Variants in MAST2 observed in about 807,000 individuals in gnomAD.
MAST2 encodes the protein microtubule-associated serine/threonine-protein kinase 2.
MAST2 carries 70 observed loss-of-function variants against 147.4 expected under a neutral mutation model. The ratio of observed to expected loss-of-function variants is 0.47; its 90% CI spans 0.39 to 0.58. The LOEUF is 0.58. Ranked by LOEUF, MAST2 falls within the 20% of genes least tolerant of loss-of-function variation. The pLI, the probability that MAST2 is intolerant of heterozygous loss-of-function variation, is 0.00. For synonymous variants in MAST2, 869 were observed against 896.8 expected (o/e 0.97, Z 0.55); for missense variants, 2,080 against 2,302.3 (o/e 0.90, Z 1.98).
At chr1:45,872,840 GAA>G (rs2148189951) in intron 3 of MAST2, among the ~76,000 whole-genome samples, 1 of 152,322 alleles carries the variant, frequency 6.6e-6, no homozygotes, top group South Asian at 2.1e-4. Context: ...TGTGGACAAT[GAA>G]AGAGAGTGAC....
chr1:45,990,248 T>C (rs1260997612), intron 5 of MAST2, among the ~76,000 whole-genome samples: 1 of 152,236 alleles, frequency 6.6e-6, no homozygotes, highest in Non-Finnish European at 1.5e-5. Flanking sequence ...AATAGGTATG[T>C]ATGAGTATCC....
chr1:45,987,777 ATTTTTTTT>A, intron 5 of MAST2, among the ~76,000 whole-genome samples: 33 of 21,806 alleles, frequency 1.5e-3, no homozygotes, highest in Non-Finnish European at 2.0e-3. Flanking sequence ...TTTTTTTTTG[ATTTTTTTT>A]TTTTTTTTTT....
At chr1:45,821,557 G>C (rs1570228589) in intron 1 of MAST2, among the ~76,000 whole-genome samples, 1 of 103,660 alleles carries the variant, frequency 9.6e-6, no homozygotes, top group Non-Finnish European at 1.8e-5. Context: ...GTCTCGTTCT[G>C]TTACCCAGGC....
chr1:45,832,305 CTT>C (rs758899496), intron 3 of MAST2, among the ~76,000 whole-genome samples: 17 of 143,600 alleles, frequency 1.2e-4, no homozygotes, highest in Non-Finnish European at 1.4e-4. Flanking sequence ...TTCTTTCTTT[CTT>C]TTTTTTTTTT....
chr1:45,937,848 G>A (rs988042974), intron 4 of MAST2, among the ~76,000 whole-genome samples: 1 of 145,168 alleles, frequency 6.9e-6, no homozygotes, highest in Non-Finnish European at 1.5e-5. Flanking sequence ...ATTGCCTATT[G>A]TAATCTCTTC....
At chr1:45,897,161 T>C (rs1204550334) in intron 4 of MAST2, among the ~76,000 whole-genome samples, 1 of 152,230 alleles carries the variant, frequency 6.6e-6, no homozygotes, top group Non-Finnish European at 1.5e-5. Context: ...TAGAATCTTC[T>C]TGTGCTGTTC....
chr1:45,815,712 C>G (rs1285960071), intron 1 of MAST2, among the ~76,000 whole-genome samples: 2 of 152,162 alleles, frequency 1.3e-5, no homozygotes, highest in African/African-American at 4.8e-5. Context: ...GTAACTGATT[C>G]ACAAGGACCC....
At chr1:46,029,778 T>C in intron 19 of MAST2, 53 bp from the exon 20 acceptor site, 1 of 1,603,796 alleles carries the variant, frequency 6.2e-7, no homozygotes, top group Non-Finnish European at 8.5e-7. Context: ...TTTGCTGACC[T>C]AGACTCCATG....
intron 1 of MAST2, among the ~76,000 whole-genome samples, chr1:45,809,454 G>A (rs1029278756): frequency 2.6e-5 from 4 of 152,182 alleles, no homozygotes; most frequent in Admixed American, 6.5e-5. Context: ...ACCAGACTGA[G>A]CAACATGGTG....
intron 18 of MAST2, 113 bp from the exon 19 acceptor site, chr1:46,029,353 C>A: frequency 1.3e-6 from 1 of 788,892 alleles, no homozygotes; most frequent in Non-Finnish European, 2.0e-6. Context: ...CTTTCAGGGG[C>A]TCCAGGCTGG....
At chr1:45,913,588 A>T in intron 4 of MAST2, 1 of 992,416 alleles carries the variant, frequency 1.0e-6, no homozygotes, top group Non-Finnish European at 1.2e-6. Flanking sequence ...AGGACAGCTG[A>T]TTCATTTGGG....
At chr1:46,004,028 G>C (rs936499519) in intron 7 of MAST2, among the ~76,000 whole-genome samples, 6 of 152,102 alleles carry the variant, frequency 3.9e-5, no homozygotes, top group African/African-American at 1.4e-4. Context: ...GATGTCATTG[G>C]TCTTTGGCAA....
At chr1:45,810,861 T>C (rs1410984233) in intron 1 of MAST2, among the ~76,000 whole-genome samples, 2 of 149,710 alleles carry the variant, frequency 1.3e-5, no homozygotes, top group Non-Finnish European at 3.0e-5. Context: ...TATATTCTTT[T>C]TTTTTTTTTT....
chr1:45,832,771 T>A (rs1472404803), intron 3 of MAST2, among the ~76,000 whole-genome samples: 1 of 152,226 alleles, frequency 6.6e-6, no homozygotes, highest in Non-Finnish European at 1.5e-5. Flanking sequence ...AAGTTTTTTT[T>A]AAATTAACAG....
chr1:46,010,595 G>A, intron 9 of MAST2, 135 bp from the exon 10 acceptor site: 1 of 673,762 alleles, frequency 1.5e-6, no homozygotes, highest in Non-Finnish European at 2.5e-6. Flanking sequence ...TCAGTTATCA[G>A]GTTTCCCAAA....
chr1:45,868,627 GACA>G (rs1263308391), intron 3 of MAST2, among the ~76,000 whole-genome samples: 1 of 151,970 alleles, frequency 6.6e-6, no homozygotes, highest in Non-Finnish European at 1.5e-5. Context: ...GAGGATATAT[GACA>G]ACATAATGCA....
intron 4 of MAST2, among the ~76,000 whole-genome samples, chr1:45,949,547 G>T (rs1193355740): frequency 6.6e-6 from 1 of 152,150 alleles, no homozygotes; most frequent in Non-Finnish European, 1.5e-5. Flanking sequence ...CAGAATGGCT[G>T]TTGTTAAAAG....
At chr1:45,913,131 A>G (rs1651932674) in intron 4 of MAST2, among the ~76,000 whole-genome samples, 1 of 152,234 alleles carries the variant, frequency 6.6e-6, no homozygotes, top group Admixed American at 6.5e-5. Context: ...ATTGAACAAA[A>G]AATGGCACTG....
intron 10 of MAST2, among the ~76,000 whole-genome samples, chr1:46,017,663 A>C (rs1045907751): frequency 3.3e-5 from 5 of 152,000 alleles, no homozygotes; most frequent in Admixed American, 6.6e-5. Flanking sequence ...AAAAGTCAGG[A>C]AACAACAGGT....
Sources: gnomAD v4.1 joint callset for allele counts (sites outside exome capture counted in the v4.1 genomes callset) on GRCh38, gnomAD v4.1.1 for gene constraint, MANE v1.5 for transcripts, NCBI Gene and HGNC (gene_info 2026-07-23, HGNC 2026-07-21) for gene names.